The following GPC5 variants were observed in gnomAD, a reference collection of about 807,000 sequenced individuals.
GPC5 encodes glypican-5.
Under a neutral mutation model 53.9 loss-of-function variants are expected in GPC5, and 47 were observed. The ratio of observed to expected loss-of-function variants is 0.87; its 90% CI spans 0.69 to 1.11. The LOEUF (loss-of-function observed/expected upper bound fraction) is 1.11. Among genes scored for constraint, GPC5 ranks in the 50% most tolerant of loss-of-function variants. The probability of loss-of-function intolerance (pLI) is 0.00; values close to 1 mark genes in which losing one functional copy is unlikely to be tolerated. For missense variants in GPC5, 748 were observed against 713.1 expected, an observed-to-expected ratio of 1.05 and a Z score of -0.56; for synonymous variants, 286 against 263.3, an observed-to-expected ratio of 1.09 and a Z score of -0.84.
chr13:91,987,232 T>C (rs914264336), intron 6 of GPC5, among the ~76,000 whole-genome samples: 1 of 152,248 alleles, frequency 6.6e-6, no homozygotes, highest in South Asian at 2.1e-4. Context: ...GTTGCAATGC[T>C]GCAGGCACCC....
At position 92,702,500 on chromosome 13, in the gene GPC5, T is replaced by G. The variant is rs191703107; in HGVS notation, c.1562-163782T>G. On this transcript the variant is annotated intron_variant, in intron 7 of 7. Transcript: ENST00000377067. ...ATTCTGGCCAAAAATCTTGGATGAA[T>G]CCTTGAGTTACCCCATGATCCGTCA... is the stretch of plus-strand genomic sequence containing the variant. 2.7e-3 allele frequency among the ~76,000 whole-genome samples: 408 copies of G among 152,176 alleles called. 3 individuals are homozygous for G. The highest frequency in any genetic ancestry group is 9.1e-3 in the African/African-American group (377 of 41,526).
At chr13:92,260,878 T>C (rs965690232) in intron 7 of GPC5, among the ~76,000 whole-genome samples, 2 of 152,154 alleles carry the variant, frequency 1.3e-5, no homozygotes, top group African/African-American at 4.8e-5. Flanking sequence ...CTTAAAGACA[T>C]TTATATTTAG....
Position 91,752,243 on chromosome 13 carries a change from T to C in GPC5, c.1155-4052T>C, listed in dbSNP as rs144553164. ...TTTTATGTGTGGGTATGTATGTATG[T>C]ATGTATGTATATATGTATGTATGTA... On this transcript the variant is annotated intron_variant, in intron 4 of 7. Transcript: ENST00000377067. 2.6e-5 allele frequency among the ~76,000 whole-genome samples: 4 copies of C among 152,282 alleles called. No individual in the cohort carries two copies. In the East Asian group the frequency reaches 5.8e-4, roughly 22 times the overall value.
chr13:92,679,928 T>C (rs930820053), intron 7 of GPC5, among the ~76,000 whole-genome samples: 6 of 134,132 alleles, frequency 4.5e-5, no homozygotes, highest in African/African-American at 1.1e-4. Flanking sequence ...CGGAACACTT[T>C]AGTGACCTCC....
intron 7 of GPC5, among the ~76,000 whole-genome samples, chr13:92,416,395 G>A (rs1594183483): frequency 6.6e-6 from 1 of 152,172 alleles, no homozygotes; most frequent in South Asian, 2.1e-4. Flanking sequence ...TACTTGTGCA[G>A]ATTTGATAGT....
At chr13:91,656,065 G>T (rs917162990) in intron 2 of GPC5, among the ~76,000 whole-genome samples, 1 of 152,040 alleles carries the variant, frequency 6.6e-6, no homozygotes, top group Admixed American at 6.6e-5. Context: ...GCTGTATTTT[G>T]CCCCTTCAAA....
chr13:92,661,489 T>C (rs1886341726), intron 7 of GPC5, among the ~76,000 whole-genome samples: 1 of 152,204 alleles, frequency 6.6e-6, no homozygotes, highest in African/African-American at 2.4e-5. Flanking sequence ...AATGTTGGCT[T>C]ATATATTTTA....
At chr13:91,468,587 A>G (rs1214462389) in intron 2 of GPC5, among the ~76,000 whole-genome samples, 1 of 152,164 alleles carries the variant, frequency 6.6e-6, no homozygotes, top group African/African-American at 2.4e-5. Flanking sequence ...CACCTGGAAC[A>G]GTTCTCCTTC....
intron 7 of GPC5, among the ~76,000 whole-genome samples, chr13:92,556,535 C>G (rs1882499724): frequency 6.6e-6 from 1 of 151,732 alleles, no homozygotes; most frequent in Non-Finnish European, 1.5e-5. Flanking sequence ...TACGCAGTTG[C>G]AATCTTCAGT....
intron 7 of GPC5, among the ~76,000 whole-genome samples, chr13:92,171,223 C>T (rs1476227580): frequency 6.6e-6 from 1 of 152,080 alleles, no homozygotes; most frequent in Non-Finnish European, 1.5e-5. Context: ...TTCTATGTAC[C>T]AGACCCAGTT....
At chr13:91,685,600 G>T (rs2139763156) in intron 2 of GPC5, among the ~76,000 whole-genome samples, 1 of 152,152 alleles carries the variant, frequency 6.6e-6, no homozygotes, top group Non-Finnish European at 1.5e-5. Flanking sequence ...ATATCTGTTT[G>T]CTTTTATACT....
chr13:92,445,303 GTTTTATTTTA>G (rs1202482366), intron 7 of GPC5, among the ~76,000 whole-genome samples: 5 of 97,546 alleles, frequency 5.1e-5, no homozygotes, highest in African/African-American at 1.6e-4. Flanking sequence ...GATTTTTTTT[GTTTTATTTTA>G]TTTTATTTTA....
intron 7 of GPC5, among the ~76,000 whole-genome samples, chr13:92,613,810 T>C (rs1221380304): frequency 6.7e-6 from 1 of 149,934 alleles, no homozygotes; most frequent in Non-Finnish European, 1.5e-5. Context: ...TGAGATAGGA[T>C]GGTGCCACTG....
intron 7 of GPC5, among the ~76,000 whole-genome samples, chr13:92,400,701 TTG>T (rs1440838992): frequency 6.6e-6 from 1 of 152,216 alleles, no homozygotes. Flanking sequence ...AGTTATCATA[TTG>T]TCTTACATCA....
intron 7 of GPC5, among the ~76,000 whole-genome samples, chr13:92,547,892 C>T (rs1160991412): frequency 7.2e-6 from 1 of 138,292 alleles, no homozygotes; most frequent in Admixed American, 7.7e-5. Flanking sequence ...TGCAGTGGCG[C>T]GATCTCGGCT....
chr13:91,697,460 C>T (rs1394998077), intron 3 of GPC5, among the ~76,000 whole-genome samples: 1 of 152,064 alleles, frequency 6.6e-6, no homozygotes, highest in East Asian at 1.9e-4. Flanking sequence ...GTTTTAAATG[C>T]TCCCAAAGTA....
intron 7 of GPC5, among the ~76,000 whole-genome samples, chr13:92,200,622 A>C (rs1335232104): frequency 1.3e-5 from 2 of 152,214 alleles, no homozygotes; most frequent in African/African-American, 4.8e-5. Flanking sequence ...GATTTCAGAC[A>C]TTATCAGTGC....
At chr13:91,820,958 G>A (rs376065355) in intron 5 of GPC5, among the ~76,000 whole-genome samples, 162 of 147,734 alleles carry the variant, frequency 1.1e-3, no homozygotes, top group Non-Finnish European at 1.9e-3. Context: ...GCGAGACTCC[G>A]TCTCAAAAAA....
intron 2 of GPC5, among the ~76,000 whole-genome samples, chr13:91,659,690 T>C (rs114046392): frequency 0.027 from 4,109 of 152,286 alleles, 170 homozygotes; most frequent in African/African-American, 0.091. Context: ...AGCCTCGAGA[T>C]GTTTATCAAA....
Sources: allele counts gnomAD v4.1 joint callset (sites outside exome capture counted in the v4.1 genomes callset), GRCh38; gene constraint gnomAD v4.1.1; transcripts MANE v1.5; gene names NCBI Gene and HGNC (gene_info 2026-07-23, HGNC 2026-07-21).